The following DOCK9 variants were observed in gnomAD, a reference collection of about 807,000 sequenced individuals.
The protein encoded by DOCK9 is dedicator of cytokinesis protein 9.
A neutral mutation model predicts 263.3 loss-of-function variants in DOCK9; 89 were observed. That is an observed-to-expected ratio of 0.34 (90% CI 0.28 to 0.40). The LOEUF is 0.40. DOCK9 is among the 10% of genes least tolerant of loss of function. The pLI, the probability that DOCK9 is intolerant of heterozygous loss-of-function variation, is 1.00. For missense variants in DOCK9, 2,140 were observed against 2,603.4 expected, an observed-to-expected ratio of 0.82 and a Z score of 3.87; for synonymous variants, 976 against 973.1, an observed-to-expected ratio of 1.00 and a Z score of -0.06.
chr13:98,880,459 G>A (rs2044561041), intron 26 of DOCK9, 88 bp downstream of exon 26: 4 of 1,553,814 alleles, frequency 2.6e-6, no homozygotes, highest in Admixed American at 3.6e-5. Context: ...GTCTCTAAGA[G>A]CACTCAGAAA....
chr13:98,919,110 G>A (rs1419488119), intron 7 of DOCK9, among the ~76,000 whole-genome samples: 1 of 105,026 alleles, frequency 9.5e-6, no homozygotes, highest in Non-Finnish European at 2.0e-5. Context: ...CTGCTGGGCT[G>A]TTTCTCTTTT....
chr13:98,918,008 G>C (rs1382164996), intron 7 of DOCK9, among the ~76,000 whole-genome samples: 1 of 152,190 alleles, frequency 6.6e-6, no homozygotes, highest in Non-Finnish European at 1.5e-5. Context: ...GCAGACATCT[G>C]ATTCTGGACC....
intron 1 of DOCK9, among the ~76,000 whole-genome samples, chr13:99,070,500 C>T (rs2041622010): frequency 6.6e-6 from 1 of 152,194 alleles, no homozygotes; most frequent in Non-Finnish European, 1.5e-5. Context: ...AAATTCTCCG[C>T]AAGCAGCACT....
Position 98,902,316 on chromosome 13 carries a change from T to A in DOCK9, c.1352A>T (p.His451Leu). Residue 451 changes from histidine (H) to leucine (L), a missense_variant, in exon 12 of 53, where the codon CAT becomes CTT. This residue lies in a region of DOCK9 where 1,521 missense variants were observed against 1,741.7 expected (regional missense o/e 0.87). Transcript: ENST00000682017. ...CTTCGGATACTGCATGGCGGCTTCA[T>A]GAAGGATGCCCTTGAGGACAGATGG... Reference protein sequence around the residue: ...QSPSVLKGILHEAAMQYPKQG... With the variant: ...QSPSVLKGILLEAAMQYPKQG... 6.2e-7 allele frequency: 1 copy of A among 1,613,992 alleles called. No individual in the cohort carries two copies. Among genetic ancestry groups the A allele is most frequent in the Non-Finnish European group, 8.5e-7 (1 of 1,179,886 alleles).
At chr13:98,900,708 C>A (rs1490068317) in intron 13 of DOCK9, among the ~76,000 whole-genome samples, 1 of 152,170 alleles carries the variant, frequency 6.6e-6, no homozygotes, top group Non-Finnish European at 1.5e-5. Context: ...CCTTCATGCA[C>A]AGAAGGAACA....
chr13:98,859,506 AC>A (rs1269035885), intron 33 of DOCK9: 1 of 152,128 alleles, frequency 6.6e-6, no homozygotes, highest in Non-Finnish European at 1.5e-5. Flanking sequence ...CACCACCACC[AC>A]CGGCAAAGGT....
intron 15 of DOCK9, among the ~76,000 whole-genome samples, chr13:98,893,944 G>T (rs1357709349): frequency 2.0e-5 from 3 of 152,152 alleles, no homozygotes; most frequent in Non-Finnish European, 2.9e-5. Flanking sequence ...TCTCTAACTG[G>T]CCACCTGGAG....
At chr13:98,905,492 A>G (rs1228877135) in intron 9 of DOCK9, among the ~76,000 whole-genome samples, 3 of 152,206 alleles carry the variant, frequency 2.0e-5, no homozygotes, top group African/African-American at 7.2e-5. Context: ...GGAAAGGAGA[A>G]AAGCGCATTC....
chr13:98,864,274 G>A lies in DOCK9; in HGVS notation c.3287-726C>T, dbSNP rs73556937. On this transcript the variant is annotated intron_variant, in intron 30 of 52. Transcript: ENST00000682017. ...CACCAGCAAGCTAAATGACAAAACT[G>A]AGAGCTCTTCTGGAAAACAGATAGG... is the stretch of plus-strand genomic sequence containing the variant. Among the ~76,000 whole-genome samples, 1,092 of 152,274 alleles carry A rather than the reference G, an allele frequency of 7.2e-3. 11 individuals carry two copies. Among genetic ancestry groups the A allele is most frequent in the African/African-American group, 0.026 (1,061 of 41,572 alleles).
chr13:98,893,780 A>G (rs1035504201), intron 15 of DOCK9, among the ~76,000 whole-genome samples: 4 of 152,232 alleles, frequency 2.6e-5, no homozygotes, highest in African/African-American at 9.6e-5. Context: ...TAAAAAATGA[A>G]AAAGGAATCC....
chr13:99,049,536 T>TTTTTTTTTG (rs2040591082), intron 1 of DOCK9, among the ~76,000 whole-genome samples: 2 of 152,082 alleles, frequency 1.3e-5, no homozygotes, highest in African/African-American at 4.8e-5. Context: ...TTTTTTTTTT[T>TTTTTTTTTG]AAACAGGGTC....
intron 2 of DOCK9, among the ~76,000 whole-genome samples, chr13:98,953,813 T>C (rs2057715279): frequency 6.6e-6 from 1 of 152,268 alleles, no homozygotes; most frequent in South Asian, 2.1e-4. Context: ...CATGGTATTG[T>C]TTGGCATGAC....
intron 2 of DOCK9, among the ~76,000 whole-genome samples, chr13:98,945,982 G>T (rs1283376451): frequency 6.6e-6 from 1 of 152,152 alleles, no homozygotes; most frequent in East Asian, 1.9e-4. Context: ...TTTGCAGGGG[G>T]CAAGAGATAG....
chr13:98,934,844 T>C (rs2054558509), intron 2 of DOCK9, among the ~76,000 whole-genome samples: 1 of 152,240 alleles, frequency 6.6e-6, no homozygotes, highest in Non-Finnish European at 1.5e-5. Flanking sequence ...TAAATGTTAC[T>C]TTACCCATTC....
rs141043432 is a variant in DOCK9, at chr13:98,804,366, C to T, written c.5725+633G>A. On this transcript the variant is annotated intron_variant, in intron 49 of 52. Coordinates refer to ENST00000682017, the MANE Select transcript of DOCK9 (RefSeq NM_001366683.2). ...GGATGACTAGACACTTGCCAGGGAC[C>T]GGGAAATGATGCAAAACACATTTCC... Among the ~76,000 whole-genome samples the T allele has an allele frequency of 4.3e-3, 651 of 152,304 alleles. 5 individuals carry two copies. The highest frequency in any genetic ancestry group is 8.3e-3 in the African/African-American group (344 of 41,562).
intron 35 of DOCK9, among the ~76,000 whole-genome samples, chr13:98,852,988 C>G (rs1438276774): frequency 3.3e-5 from 5 of 152,192 alleles, no homozygotes; most frequent in African/African-American, 9.7e-5. Flanking sequence ...TAGGTCCCCC[C>G]ACAACATATA....
intron 1 of DOCK9, among the ~76,000 whole-genome samples, chr13:99,044,749 T>C (rs1421512663): frequency 6.6e-6 from 1 of 152,192 alleles, no homozygotes; most frequent in Non-Finnish European, 1.5e-5. Flanking sequence ...AGAGCAATCA[T>C]TCTCCCCAAA....
chr13:98,867,938 C>T lies in DOCK9; in HGVS notation c.3164G>A (p.Gly1055Glu). The change falls in exon 29 of 53, where the codon GGA becomes GAA. Residue 1055 changes from glycine (G) to glutamate (E), a missense_variant. Physicochemically the swap from Gly to Glu is moderately conservative, Grantham distance 98. Coordinates refer to ENST00000682017, the MANE Select transcript of DOCK9 (RefSeq NM_001366683.2). ...CAACCCCCGCACTACCTTTGGGTCT[C>T]CAGGAGCAAAACAGCTAATGTAGTT... is the stretch of plus-strand genomic sequence containing the variant. ...INNYISCFAP[G>E]DPKTLFEYKF... is the part of the protein sequence containing the mutation. 1.2e-6 allele frequency: 2 copies of T among 1,613,526 alleles called. No individual in the cohort carries two copies. Among genetic ancestry groups the T allele is most frequent in the Non-Finnish European group, 1.7e-6 (2 of 1,179,764 alleles).
intron 1 of DOCK9, chr13:99,015,519 C>G: frequency 6.3e-7 from 1 of 1,598,244 alleles, no homozygotes; most frequent in Non-Finnish European, 8.5e-7. Flanking sequence ...GGGCATTATT[C>G]TCTCCTTGCT....
Sources: allele counts gnomAD v4.1 joint callset (sites outside exome capture counted in the v4.1 genomes callset), GRCh38; gene constraint gnomAD v4.1.1; regional missense constraint gnomAD v4.1.1; transcripts MANE v1.5; gene names NCBI Gene and HGNC (gene_info 2026-07-23, HGNC 2026-07-21).